The following MALRD1 variants were observed in gnomAD, a reference collection of about 807,000 sequenced individuals.
The protein encoded by MALRD1 is MAM and LDL-receptor class A domain-containing protein 1.
In MALRD1, 247 loss-of-function variants were observed where a neutral mutation model predicts 242.1. That is an observed-to-expected ratio of 1.02 (90% CI 0.92 to 1.13). MALRD1 has a LOEUF of 1.13. Among genes scored for constraint, MALRD1 ranks in the 50% most tolerant of loss-of-function variants. The probability of loss-of-function intolerance (pLI) is 0.00; values close to 1 mark genes in which losing one functional copy is unlikely to be tolerated. For synonymous variants in MALRD1, 995 were observed against 866.6 expected (o/e 1.15, Z -2.60); for missense variants, 2,989 against 2,533.1 (o/e 1.18, Z -3.86).
chr10:19,130,940 AG>A (rs201977790), intron 8 of MALRD1, among the ~76,000 whole-genome samples: 1,825 of 152,264 alleles, frequency 0.012, 33 homozygotes, highest in African/African-American at 0.041. Context: ...TCATATTATA[AG>A]AAAAGAAGTT....
intron 36 of MALRD1, among the ~76,000 whole-genome samples, chr10:19,664,895 C>T (rs572140003): frequency 3.5e-4 from 53 of 152,084 alleles, no homozygotes; most frequent in African/African-American, 1.2e-3. Flanking sequence ...ATATTATCGT[C>T]AAATAATATT....
intron 12 of MALRD1, among the ~76,000 whole-genome samples, chr10:19,155,933 T>A (rs554995685): frequency 6.6e-6 from 1 of 152,160 alleles, no homozygotes; most frequent in Non-Finnish European, 1.5e-5. Context: ...GTAAACATAA[T>A]TCCTTTGCTT....
chr10:19,495,200 CT>C (rs1837658750), intron 30 of MALRD1, among the ~76,000 whole-genome samples: 2 of 152,064 alleles, frequency 1.3e-5, no homozygotes, highest in South Asian at 4.1e-4. Flanking sequence ...TGGTTTCAAA[CT>C]CCTGATCTCA....
At chr10:19,304,852 C>T (rs1842098817) in intron 21 of MALRD1, among the ~76,000 whole-genome samples, 1 of 151,744 alleles carries the variant, frequency 6.6e-6, no homozygotes, top group African/African-American at 2.4e-5. Context: ...AATCACAATG[C>T]CTGTTTTGTT....
chr10:19,103,825 T>G (rs935715250), intron 4 of MALRD1, among the ~76,000 whole-genome samples, 154 bp from the exon 5 acceptor site: 8 of 152,336 alleles, frequency 5.3e-5, no homozygotes, highest in Admixed American at 5.2e-4. Flanking sequence ...GAATGTTTGC[T>G]TTGATTTCTT....
chr10:19,722,619 A>AAAAAAAAAAAAAAAAAAAAAAT, intron 38 of MALRD1: 1 of 144,556 alleles, frequency 6.9e-6, no homozygotes, highest in African/African-American at 2.6e-5. Flanking sequence ...AAAAAAAAAA[A>AAAAAAAAAAAAAAAAAAAAAAT]GGTGGAAAAA....
intron 28 of MALRD1, among the ~76,000 whole-genome samples, chr10:19,430,786 G>A (rs1280853969): frequency 1.3e-5 from 2 of 152,122 alleles, no homozygotes; most frequent in Admixed American, 1.3e-4. Flanking sequence ...GCGCTAAGGA[G>A]TATTAAAATG....
intron 12 of MALRD1, among the ~76,000 whole-genome samples, chr10:19,157,612 T>A (rs939147901): frequency 6.6e-6 from 1 of 152,180 alleles, no homozygotes; most frequent in African/African-American, 2.4e-5. Context: ...CTTGGGTAAC[T>A]GGAAAATCTA....
intron 33 of MALRD1, among the ~76,000 whole-genome samples, chr10:19,569,806 ATATT>A (rs1262919448): frequency 1.4e-5 from 2 of 147,158 alleles, no homozygotes; most frequent in East Asian, 3.9e-4. Context: ...ATATTTATAT[ATATT>A]TCTTATATAT....
intron 12 of MALRD1, among the ~76,000 whole-genome samples, chr10:19,156,605 A>G (rs1442534414): frequency 6.6e-6 from 1 of 152,166 alleles, no homozygotes; most frequent in African/African-American, 2.4e-5. Context: ...ATGTAAAGGA[A>G]TATGATGTGT....
In MALRD1 at chr10:19,175,194, T is replaced by G; in HGVS notation, c.1831-14T>G. 1 of 1,226,792 alleles carries G rather than the reference T, an allele frequency of 8.2e-7. No homozygotes were observed. Among genetic ancestry groups the G allele is most frequent in the Non-Finnish European group, 1.0e-6 (1 of 984,486 alleles). The allele number at this position is 1,226,792 out of a possible 1,614,324, so 76.0% of individuals were successfully genotyped here. A position where few individuals can be genotyped will look rare whatever the true frequency, so the allele number is the denominator to read the frequency against. ...TGATGTGTTTTTAACAGTTTTATCTTTCTGTAATTATAGTTAATTTTGGAA... is the reference window on the plus strand; with the variant it reads ...TGATGTGTTTTTAACAGTTTTATCTGTCTGTAATTATAGTTAATTTTGGAA... On this transcript the variant is annotated splice_polypyrimidine_tract_variant and intron_variant, in intron 13 of 39. Coordinates refer to ENST00000454679, the MANE Select transcript of MALRD1 (RefSeq NM_001142308.3).
intron 28 of MALRD1, among the ~76,000 whole-genome samples, chr10:19,436,089 T>C (rs1448754360): frequency 6.6e-6 from 1 of 152,110 alleles, no homozygotes; most frequent in East Asian, 1.9e-4. Flanking sequence ...ATTTAACCAC[T>C]TTCTGACTTC....
intron 38 of MALRD1, among the ~76,000 whole-genome samples, chr10:19,700,204 T>C (rs1284476259): frequency 1.3e-5 from 2 of 152,152 alleles, no homozygotes; most frequent in Non-Finnish European, 2.9e-5. Context: ...CCACCCTCTG[T>C]TTCCATCTCT....
chr10:19,134,051 T>A, intron 9 of MALRD1, 103 bp downstream of exon 9: 1 of 447,218 alleles, frequency 2.2e-6, no homozygotes, highest in Non-Finnish European at 3.6e-6. Context: ...GCAGTTAAGT[T>A]AGGGATGCGT....
intron 38 of MALRD1, among the ~76,000 whole-genome samples, chr10:19,706,986 T>A (rs1833892667): frequency 6.6e-6 from 1 of 151,862 alleles, no homozygotes; most frequent in South Asian, 2.1e-4. Context: ...CTCCTCTTCC[T>A]CCTCATCCTT....
rs1299212315 is a variant in MALRD1, at chr10:19,566,233, A to G, written c.5479-1269A>G. Among the ~76,000 whole-genome samples, 4 of 150,990 alleles carry G rather than the reference A, an allele frequency of 2.6e-5. No homozygotes were observed. In the South Asian group the frequency reaches 8.4e-4, roughly 32 times the overall value. On this transcript the variant is annotated intron_variant, in intron 32 of 39. Coordinates refer to ENST00000454679, the MANE Select transcript of MALRD1 (RefSeq NM_001142308.3). ...AAACTCCACTTCCCGGGTTCACGCC[A>G]TTCTTCTGCCTCAGCCTCCTGAGTA...
chr10:19,572,577 A>G (rs550921808), intron 33 of MALRD1, among the ~76,000 whole-genome samples: 51 of 152,324 alleles, frequency 3.3e-4, no homozygotes, highest in South Asian at 4.1e-4. Flanking sequence ...GTTGGCTGGT[A>G]TACTGGGTAG....
intron 28 of MALRD1, among the ~76,000 whole-genome samples, chr10:19,445,388 A>G (rs1138897): frequency 4.6e-5 from 7 of 151,994 alleles, no homozygotes; most frequent in Non-Finnish European, 1.0e-4. Flanking sequence ...GAGAAGAGAC[A>G]CTCTGATTTT....
chr10:19,370,457 CTACTT>C (rs139378528), intron 26 of MALRD1, among the ~76,000 whole-genome samples: 8,301 of 151,966 alleles, frequency 0.055, 423 homozygotes, highest in African/African-American at 0.13. Flanking sequence ...AAAATTGTCT[CTACTT>C]TATTTTTTAA....
Sources: allele counts gnomAD v4.1 joint callset (sites outside exome capture counted in the v4.1 genomes callset), GRCh38; gene constraint gnomAD v4.1.1; transcripts MANE v1.5; gene names NCBI Gene and HGNC (gene_info 2026-07-23, HGNC 2026-07-21).